Variants in SLC17A1 observed in about 807,000 individuals in gnomAD.
SLC17A1 encodes the protein sodium-dependent phosphate transport protein 1.
Under a neutral mutation model 53.5 loss-of-function variants are expected in SLC17A1, and 51 were observed. The ratio of observed to expected loss-of-function variants is 0.95; its 90% CI spans 0.76 to 1.20. The LOEUF (loss-of-function observed/expected upper bound fraction) is 1.20, where lower values mean the gene tolerates loss of function less well. Ranked by LOEUF, SLC17A1 falls within the 50% of genes most tolerant of loss-of-function variation. The pLI, the probability that SLC17A1 is intolerant of heterozygous loss-of-function variation, is 0.00. For missense variants in SLC17A1, 538 were observed against 568.2 expected, an observed-to-expected ratio of 0.95 and a Z score of 0.54; for synonymous variants, 179 against 198.8, an observed-to-expected ratio of 0.90 and a Z score of 0.84.
chr6:25,762,153 T>A, the SLC17A1 span: 1 of 963,202 alleles, frequency 1.0e-6, no homozygotes, highest in South Asian at 1.7e-5. Context: ...CATCTTTTGT[T>A]GATACACATC....
intron 2 of SLC17A1, among the ~76,000 whole-genome samples, chr6:25,828,712 TC>T (rs1337339021): frequency 6.6e-6 from 1 of 152,148 alleles, no homozygotes; most frequent in Non-Finnish European, 1.5e-5. Context: ...TTTTACATCA[TC>T]TTACCGAATT....
the SLC17A1 span, chr6:25,770,518 C>G: frequency 6.4e-7 from 1 of 1,559,152 alleles, no homozygotes; most frequent in Non-Finnish European, 8.8e-7. Context: ...TCCAGGAGAA[C>G]TCAGCAAAGT....
At chr6:25,773,277 G>C in the SLC17A1 span, 1 of 1,613,092 alleles carries the variant, frequency 6.2e-7, no homozygotes, top group East Asian at 2.2e-5. Flanking sequence ...TTTCCTAGGA[G>C]GAATTGGCTG....
chr6:25,813,311 C>A, intron 6 of SLC17A1, 98 bp from the exon 7 acceptor site: 1 of 956,508 alleles, frequency 1.0e-6, no homozygotes, highest in Non-Finnish European at 1.6e-6. Flanking sequence ...AGAAACTGGA[C>A]CTCCTCTTTC....
At position 25,825,694 on chromosome 6, in the gene SLC17A1, C is replaced by G. The variant is rs1764716147; in HGVS notation, c.207+767G>C. On this transcript the variant is annotated intron_variant, in intron 3 of 12. Transcript: ENST00000244527. ...CTTGGATCTGTGGTTTGATGTTTGT[C>G]ATTAATTATGGAAAGTTCTCAGCCA... is the stretch of plus-strand genomic sequence containing the variant. Among the ~76,000 whole-genome samples, 3 of 151,798 alleles carry G rather than the reference C, an allele frequency of 2.0e-5. No homozygotes were observed. In the South Asian group the frequency reaches 6.2e-4, roughly 32 times the overall value.
downstream of SLC17A1, chr6:25,779,226 C>T: frequency 1.9e-6 from 3 of 1,608,918 alleles, no homozygotes; most frequent in Non-Finnish European, 1.7e-6. Flanking sequence ...GTGCTTAGTT[C>T]ATCATTGTTT....
At chr6:25,770,378 C>T in the SLC17A1 span, 2 of 1,614,026 alleles carry the variant, frequency 1.2e-6, no homozygotes, top group Non-Finnish European at 1.7e-6. Flanking sequence ...GAATTTTTCC[C>T]CCCAGGTTAT....
the SLC17A1 span, among the ~76,000 whole-genome samples, chr6:25,745,586 C>T: frequency 6.6e-6 from 1 of 152,188 alleles, no homozygotes; most frequent in Middle Eastern, 3.2e-3. Flanking sequence ...CACCTTTTCC[C>T]TTCACTAAAA....
chr6:25,788,192 A>G (rs566751670), intron 12 of SLC17A1, among the ~76,000 whole-genome samples: 2 of 152,206 alleles, frequency 1.3e-5, no homozygotes, highest in Non-Finnish European at 2.9e-5. Flanking sequence ...CAAATGTTAT[A>G]TCTGATATCA....
At chr6:25,780,622 T>C (rs879592972), downstream of SLC17A1, 1 of 152,256 alleles carries the variant, frequency 6.6e-6, no homozygotes, top group Non-Finnish European at 1.5e-5. Flanking sequence ...CAGGATGATG[T>C]AGGCCCAGTG....
At chr6:25,767,221 G>A in the SLC17A1 span, among the ~76,000 whole-genome samples, 1 of 152,014 alleles carries the variant, frequency 6.6e-6, no homozygotes, top group Non-Finnish European at 1.5e-5. Context: ...ACATACATAT[G>A]TACATAAACA....
At chr6:25,749,577 C>T in the SLC17A1 span, among the ~76,000 whole-genome samples, 2 of 152,152 alleles carry the variant, frequency 1.3e-5, no homozygotes, top group African/African-American at 4.8e-5. Context: ...GAACTGTATA[C>T]AGGTAATGGC....
the SLC17A1 span, among the ~76,000 whole-genome samples, chr6:25,775,830 C>G: frequency 6.6e-6 from 1 of 152,138 alleles, no homozygotes; most frequent in Non-Finnish European, 1.5e-5. Flanking sequence ...AAACAGTATA[C>G]TTAGTAATAT....
At chr6:25,726,083 CTT>C in the SLC17A1 span, 47 of 1,472,318 alleles carry the variant, frequency 3.2e-5, no homozygotes, top group East Asian at 9.5e-5. Flanking sequence ...TGAAAAGAGC[CTT>C]TTGTTTTTTC....
chr6:25,727,613 A>C, the SLC17A1 span, among the ~76,000 whole-genome samples: 1 of 151,736 alleles, frequency 6.6e-6, no homozygotes, highest in Non-Finnish European at 1.5e-5. Flanking sequence ...GATGGTCTCA[A>C]ACTCGATCTG....
chr6:25,776,094 C>A, the SLC17A1 span, among the ~76,000 whole-genome samples: 1 of 151,940 alleles, frequency 6.6e-6, no homozygotes, highest in Non-Finnish European at 1.5e-5. Flanking sequence ...CTCAATAGAG[C>A]ACCAGTAATA....
chr6:25,727,702 G>A, the SLC17A1 span, among the ~76,000 whole-genome samples: 10 of 152,038 alleles, frequency 6.6e-5, no homozygotes, highest in African/African-American at 2.2e-4. Context: ...TCAGCTGTGG[G>A]CCGAGGGTAG....
the SLC17A1 span, among the ~76,000 whole-genome samples, chr6:25,769,739 A>C: frequency 6.6e-6 from 1 of 152,016 alleles, no homozygotes; most frequent in African/African-American, 2.4e-5. Flanking sequence ...AATCACTACA[A>C]AATATGTTTC....
chr6:25,801,874 A>G (rs1200290168), intron 10 of SLC17A1, among the ~76,000 whole-genome samples: 4 of 152,230 alleles, frequency 2.6e-5, no homozygotes, highest in South Asian at 4.2e-4. Flanking sequence ...ATATGCAGTC[A>G]TTGGGTAGGA....
Sources: gnomAD v4.1 joint callset for allele counts (sites outside exome capture counted in the v4.1 genomes callset) on GRCh38, gnomAD v4.1.1 for gene constraint, MANE v1.5 for transcripts, NCBI Gene and HGNC (gene_info 2026-07-23, HGNC 2026-07-21) for gene names.